Variants in PTPRU observed in about 807,000 individuals in gnomAD.
PTPRU encodes the protein protein tyrosine phosphatase receptor type U, also known as receptor-type tyrosine-protein phosphatase U.
Under a neutral mutation model 166.3 loss-of-function variants are expected in PTPRU, and 69 were observed. That is an observed-to-expected ratio of 0.41 (90% CI 0.34 to 0.51). The LOEUF is 0.51. Among genes scored for constraint, PTPRU ranks in the 20% least tolerant of loss-of-function variants. The pLI is 0.09. For missense variants in PTPRU, 1,657 were observed against 2,013.7 expected (o/e 0.82, Z 3.39); for synonymous variants, 793 against 814.0 (o/e 0.97, Z 0.44).
Position 29,237,066 on chromosome 1 carries a change from C to T in PTPRU, c.73+349C>T, listed in dbSNP as rs1683801788. Reference sequence around the variant, plus strand: ...TGTGCATCTGAGTTTGGTTGTGTTGCGGGAGTTGTATCTGCTAATGTGTTG... The same window carrying T: ...TGTGCATCTGAGTTTGGTTGTGTTGTGGGAGTTGTATCTGCTAATGTGTTG... On this transcript the variant is annotated intron_variant, in intron 1 of 29. Coordinates refer to ENST00000373779, the MANE Select transcript of PTPRU (RefSeq NM_133178.4). The surrounding 1 kb of genome is among the most constrained non-coding windows in gnomAD (Gnocchi z 6.4). Among the ~76,000 whole-genome samples, 1 of 151,862 alleles carries T rather than the reference C, an allele frequency of 6.6e-6. No homozygotes were observed. Among genetic ancestry groups the T allele is most frequent in the Non-Finnish European group, 1.5e-5 (1 of 67,946 alleles).
chr1:29,307,151 G>T (rs765459506), intron 18 of PTPRU: 18 of 1,613,054 alleles, frequency 1.1e-5, no homozygotes, highest in Non-Finnish European at 1.4e-5. Flanking sequence ...CGAGAAGTAA[G>T]TATCTCTCTC....
chr1:29,260,077 C>G lies in PTPRU; in HGVS notation c.850+33C>G. On this transcript the variant is annotated intron_variant, in intron 6 of 29. Transcript: ENST00000373779. This position sits in a 1 kb window ranked among gnomAD's most constrained non-coding sequence, Gnocchi z 8.3. ...GGTGGACGCCGGGGAGCGCCGGGAC[C>G]TCACCCTCGAGGGGCGGGGCCGGCG... 1 of 1,375,226 alleles carries G rather than the reference C, an allele frequency of 7.3e-7. No homozygotes were observed. Among genetic ancestry groups the G allele is most frequent in the Non-Finnish European group, 9.4e-7 (1 of 1,069,150 alleles). 85.2% of individuals were successfully genotyped at this position (1,375,226 alleles called of 1,614,324 possible). A position where few individuals can be genotyped will look rare whatever the true frequency, so the allele number is the denominator to read the frequency against.
intron 1 of PTPRU, among the ~76,000 whole-genome samples, chr1:29,253,200 C>T (rs972164126): frequency 6.6e-6 from 1 of 152,228 alleles, no homozygotes; most frequent in Admixed American, 6.5e-5. Flanking sequence ...ACCCACCATC[C>T]TCCAAGAAGC....
intron 1 of PTPRU, among the ~76,000 whole-genome samples, chr1:29,247,414 A>G (rs1684348354): frequency 6.6e-6 from 1 of 152,186 alleles, no homozygotes; most frequent in Non-Finnish European, 1.5e-5. Flanking sequence ...GTATAACAGT[A>G]TTCTGTCTCT....
intron 7 of PTPRU, among the ~76,000 whole-genome samples, chr1:29,273,295 G>T (rs556407173): frequency 6.6e-6 from 1 of 152,114 alleles, no homozygotes. Context: ...TCGAGACAGC[G>T]TCTCACTGTG....
chr1:29,306,090 AAATC>A (rs1429510290), intron 18 of PTPRU, among the ~76,000 whole-genome samples: 1 of 152,234 alleles, frequency 6.6e-6, no homozygotes, highest in Non-Finnish European at 1.5e-5. Context: ...GAAAGGACGC[AAATC>A]TCAGCCTGTC....
chr1:29,258,707 T>G lies in PTPRU; in HGVS notation c.408T>G (p.Thr136=). The G allele has an allele frequency of 1.2e-6, 2 of 1,611,552 alleles. No homozygotes were observed. The highest frequency in any genetic ancestry group is 2.2e-5 in the South Asian group (2 of 90,848). ...GPLGSAVWNM[T]GSHGRQWHQA... is the part of the protein sequence containing the mutation. ...TGGGCAGTGCTGTGTGGAATATGAC[T>G]GGATCCCACGGCCGTCAGTGGCACC... is the stretch of plus-strand genomic sequence containing the variant. The change falls in exon 3 of 30, where the codon ACT becomes ACG. Residue 136 remains threonine, a synonymous_variant. Coordinates refer to ENST00000373779, the MANE Select transcript of PTPRU (RefSeq NM_133178.4).
chr1:29,246,153 C>G (rs1684287599), intron 1 of PTPRU, among the ~76,000 whole-genome samples: 1 of 152,274 alleles, frequency 6.6e-6, no homozygotes, highest in Non-Finnish European at 1.5e-5. Context: ...CCCCATATAG[C>G]ACTTCTGTGC....
chr1:29,250,723 C>T (rs17340871), intron 1 of PTPRU, among the ~76,000 whole-genome samples: 3,957 of 152,268 alleles, frequency 0.026, 81 homozygotes, highest in Middle Eastern at 0.045. Context: ...ATTTAGTGGC[C>T]TCCAGCAGGA....
intron 7 of PTPRU, among the ~76,000 whole-genome samples, chr1:29,269,240 A>ATTTTT (rs1557430869): frequency 6.9e-4 from 22 of 31,836 alleles, no homozygotes; most frequent in Admixed American, 1.1e-3. Flanking sequence ...ATATATATAT[A>ATTTTT]TATATATTTT....
chr1:29,261,061 T>C (rs956072371), intron 7 of PTPRU, among the ~76,000 whole-genome samples, 158 bp downstream of exon 7: 7 of 152,212 alleles, frequency 4.6e-5, no homozygotes, highest in African/African-American at 1.7e-4. Context: ...TAGCTAATAC[T>C]TTACTTTGTG....
At chr1:29,246,508 G>A (rs1379081050) in intron 1 of PTPRU, among the ~76,000 whole-genome samples, 1 of 152,162 alleles carries the variant, frequency 6.6e-6, no homozygotes, top group Non-Finnish European at 1.5e-5. Flanking sequence ...CAGGATTACT[G>A]CCCAGGGCCT....
At chr1:29,312,490 AG>A in intron 21 of PTPRU, 61 bp from the exon 22 acceptor site, 2 of 1,448,924 alleles carry the variant, frequency 1.4e-6, no homozygotes, top group African/African-American at 1.4e-5. Flanking sequence ...GGCACACAGC[AG>A]GTGTCTAATG....
chr1:29,243,135 G>A (rs1269841336), intron 1 of PTPRU, among the ~76,000 whole-genome samples: 2 of 152,108 alleles, frequency 1.3e-5, no homozygotes, highest in African/African-American at 4.8e-5. Context: ...CTGACCTCAT[G>A]ACCTGCCTGA....
At position 29,315,581 on chromosome 1, in the gene PTPRU, G is replaced by C; in HGVS notation, c.3363+74G>C. 6.3e-7 allele frequency: 1 copy of C among 1,590,984 alleles called. No homozygotes were observed. Among genetic ancestry groups the C allele is most frequent in the Non-Finnish European group, 8.6e-7 (1 of 1,164,338 alleles). On this transcript the variant is annotated intron_variant, in intron 23 of 29. Coordinates refer to ENST00000373779, the MANE Select transcript of PTPRU (RefSeq NM_133178.4). The surrounding 1 kb of genome is among the most constrained non-coding windows in gnomAD (Gnocchi z 4.5). ...GTTTCTCGTGAAGGATCCTGGAGCC[G>C]GCAGAGCATGCCCAAAGGGTGTCCT...
intron 12 of PTPRU, 77 bp from the exon 13 acceptor site, chr1:29,283,863 C>G (rs1320652542): frequency 6.5e-7 from 1 of 1,549,454 alleles, no homozygotes. Flanking sequence ...GCCCAAGAAA[C>G]GCTGTCTGAG....
chr1:29,237,009 T>C lies in PTPRU; in HGVS notation c.73+292T>C, dbSNP rs1683799189. ...GCTGAGTGTCTTGTGGGTCTGCCAG[T>C]GTGTAGTGTTTGTGTGGCCAAGTGG... is the stretch of plus-strand genomic sequence containing the variant. On this transcript the variant is annotated intron_variant, in intron 1 of 29. Transcript: ENST00000373779. This position sits in a 1 kb window ranked among gnomAD's most constrained non-coding sequence, Gnocchi z 6.4. Among the ~76,000 whole-genome samples, 2 of 152,130 alleles carry C rather than the reference T, an allele frequency of 1.3e-5. No individual in the cohort carries two copies. Among genetic ancestry groups the C allele is most frequent in the Non-Finnish European group, 2.9e-5 (2 of 68,010 alleles).
intron 24 of PTPRU, among the ~76,000 whole-genome samples, chr1:29,316,866 C>T (rs1184611549): frequency 2.0e-5 from 3 of 152,086 alleles, no homozygotes; most frequent in African/African-American, 4.8e-5. Context: ...ATGCCCAAGG[C>T]CTGGCTCTTG....
rs777507122 is a variant in PTPRU at position 29,260,085 on chromosome 1, C to T, written c.850+41C>T. The T allele has an allele frequency of 2.9e-5, 34 of 1,183,174 alleles. No homozygotes were observed. Among genetic ancestry groups the T allele is most frequent in the South Asian group, 4.4e-5 (2 of 45,172 alleles). 73.3% of individuals were successfully genotyped at this position (1,183,174 alleles called of 1,614,324 possible). A position where few individuals can be genotyped will look rare whatever the true frequency, so the allele number is the denominator to read the frequency against. On this transcript the variant is annotated intron_variant, in intron 6 of 29. Transcript: ENST00000373779. This position sits in a 1 kb window ranked among gnomAD's most constrained non-coding sequence, Gnocchi z 8.3. Reference sequence around the variant, plus strand: ...CCGGGGAGCGCCGGGACCTCACCCTCGAGGGGCGGGGCCGGCGACGGGGGC... The same window carrying T: ...CCGGGGAGCGCCGGGACCTCACCCTTGAGGGGCGGGGCCGGCGACGGGGGC...
Sources: gnomAD v4.1 joint callset for allele counts (sites outside exome capture counted in the v4.1 genomes callset) on GRCh38, gnomAD v4.1.1 for gene constraint, Gnocchi (gnomAD v3.1) non-coding constraint, MANE v1.5 for transcripts, NCBI Gene and HGNC (gene_info 2026-07-23, HGNC 2026-07-21) for gene names.